Variants in DYNC2H1 observed in about 807,000 individuals in gnomAD.
DYNC2H1 encodes the protein cytoplasmic dynein 2 heavy chain 1.
In DYNC2H1, 410 loss-of-function variants were observed where a neutral mutation model predicts 570.0. The observed-to-expected ratio is 0.72, with a 90% CI of 0.66 to 0.78. The LOEUF (loss-of-function observed/expected upper bound fraction) is 0.78, where lower values mean the gene tolerates loss of function less well. Ranked by LOEUF, DYNC2H1 falls within the 30% of genes least tolerant of loss-of-function variation. The pLI is 0.00. For missense variants in DYNC2H1, 4,865 were observed against 5,046.4 expected (o/e 0.96, Z 1.09); for synonymous variants, 1,688 against 1,677.6 (o/e 1.01, Z -0.15).
chr11:103,178,856 A>G (rs1861733543), intron 38 of DYNC2H1, among the ~76,000 whole-genome samples, 170 bp from the exon 39 acceptor site: 1 of 152,038 alleles, frequency 6.6e-6, no homozygotes, highest in South Asian at 2.1e-4. Flanking sequence ...GTATTATTAC[A>G]TGATATATAT....
chr11:103,366,405 CTCAAA>C (rs1940909630), intron 83 of DYNC2H1, among the ~76,000 whole-genome samples: 1 of 151,880 alleles, frequency 6.6e-6, no homozygotes, highest in African/African-American at 2.4e-5. Flanking sequence ...GGGATAAGGA[CTCAAA>C]TCAAGGTTTA....
Position 103,188,484 on chromosome 11 carries a change from TA to T in DYNC2H1, c.7141-12del, listed in dbSNP as rs1469494510. ...AGATAAAAAACGTTTAAAATATATT[TA>T]TTTTCAAATAGGTATTGACGTATCA... On this transcript the variant is annotated splice_polypyrimidine_tract_variant and intron_variant, in intron 43 of 88. Coordinates refer to ENST00000375735, the MANE Select transcript of DYNC2H1 (RefSeq NM_001377.3). The T allele has an allele frequency of 6.6e-7, 1 of 1,517,366 alleles. No individual in the cohort carries two copies. Among genetic ancestry groups the T allele is most frequent in the South Asian group, 1.4e-5 (1 of 72,918 alleles). The allele number at this position is 1,517,366 out of a possible 1,614,324, so 94.0% of individuals were successfully genotyped here.
At chr11:103,253,804 C>A (rs943989191) in intron 66 of DYNC2H1, among the ~76,000 whole-genome samples, 1 of 152,066 alleles carries the variant, frequency 6.6e-6, no homozygotes, top group Non-Finnish European at 1.5e-5. Context: ...AGCTAATTGA[C>A]TTGTTCAGCT....
intron 83 of DYNC2H1, among the ~76,000 whole-genome samples, chr11:103,387,556 T>G (rs1941941921): frequency 6.6e-6 from 1 of 152,226 alleles, no homozygotes; most frequent in South Asian, 2.1e-4. Context: ...TTTTGGTGTT[T>G]TAGACATGCA....
intron 82 of DYNC2H1, among the ~76,000 whole-genome samples, chr11:103,339,164 T>C (rs961047860): frequency 1.3e-5 from 2 of 152,150 alleles, no homozygotes; most frequent in African/African-American, 4.8e-5. Context: ...CTTCCCACTC[T>C]TTCCCCCAAG....
intron 85 of DYNC2H1, among the ~76,000 whole-genome samples, chr11:103,448,196 G>A (rs910569937): frequency 6.6e-6 from 1 of 152,090 alleles, no homozygotes; most frequent in African/African-American, 2.4e-5. Context: ...AGCAAATCGG[G>A]GGAGGTTGGG....
rs1681179431 is a variant in DYNC2H1 at position 103,465,250 on chromosome 11, T to A, written c.12649-3339T>A. Among the ~76,000 whole-genome samples the A allele has an allele frequency of 6.6e-6, 1 of 152,036 alleles. No homozygotes were observed. Among genetic ancestry groups the A allele is most frequent in the African/African-American group, 2.4e-5 (1 of 41,400 alleles). ...TTATCAGACTGGGGAAAAAATAAAA[T>A]CCAGTTAAATGTTACTTAAAGATAT... On this transcript the variant is annotated intron_variant, in intron 87 of 88. Coordinates refer to ENST00000375735, the MANE Select transcript of DYNC2H1 (RefSeq NM_001377.3). This position sits in a 1 kb window ranked among gnomAD's most constrained non-coding sequence, Gnocchi z 4.9.
intron 83 of DYNC2H1, among the ~76,000 whole-genome samples, chr11:103,385,428 C>T (rs1941831734): frequency 6.6e-6 from 1 of 151,780 alleles, no homozygotes; most frequent in Non-Finnish European, 1.5e-5. Context: ...TTTTTTTCAG[C>T]TGAATCTGAT....
At position 103,153,461 on chromosome 11, in the gene DYNC2H1, GA is replaced by G; in HGVS notation, c.3262del (p.Ile1088LeufsTer76). On this transcript the variant is annotated frameshift_variant, in exon 22 of 89. Coordinates refer to ENST00000375735, the MANE Select transcript of DYNC2H1 (RefSeq NM_001377.3). LOFTEE classifies it high-confidence loss of function. ...LDKSAKLIKE[K>X]KIEFDDLEVT... is the part of the protein sequence containing the mutation. ...ATAAAAGTGCAAAGTTAATAAAAGAGAAAAAAATTGAGTTTGATGATCTTGA... is the reference window on the plus strand; with the variant it reads ...ATAAAAGTGCAAAGTTAATAAAAGAGAAAAAATTGAGTTTGATGATCTTGA... The G allele has an allele frequency of 1.3e-6, 2 of 1,564,880 alleles. No homozygotes were observed. The highest frequency in any genetic ancestry group is 1.4e-5 in the African/African-American group (1 of 73,282).
In DYNC2H1 at chr11:103,280,199, A is replaced by G. The variant is rs1204060096; in HGVS notation, c.10696-149A>G. The G allele has an allele frequency of 5.9e-5, 43 of 732,638 alleles. No individual in the cohort carries two copies. The highest frequency in any genetic ancestry group is 8.0e-5 in the Non-Finnish European group (36 of 449,338). 45.4% of individuals were successfully genotyped at this position (732,638 alleles called of 1,614,324 possible). On this transcript the variant is annotated intron_variant, in intron 70 of 88. Coordinates refer to ENST00000375735, the MANE Select transcript of DYNC2H1 (RefSeq NM_001377.3). This position sits in a 1 kb window ranked among gnomAD's most constrained non-coding sequence, Gnocchi z 4.7. ...CTTGAAGTGTCTCTAAGATGTAGAA[A>G]GCAATCTGAATAGTAATTTCTTACA...
At position 103,321,413 on chromosome 11, in the gene DYNC2H1, CTT is replaced by C. The variant is rs1258823294; in HGVS notation, c.11934+179_11934+180del. ...CAACTTTAGTGAGGCATCCTAAAAACTTTTGAGTACTTACTGAAAGTTGGGTG... is the reference window on the plus strand; with the variant it reads ...CAACTTTAGTGAGGCATCCTAAAAACTTGAGTACTTACTGAAAGTTGGGTG... On this transcript the variant is annotated intron_variant, in intron 81 of 88. Transcript: ENST00000375735. Among the ~76,000 whole-genome samples the C allele has an allele frequency of 2.0e-5, 3 of 152,120 alleles. No individual in the cohort carries two copies. In the East Asian group the frequency reaches 5.8e-4, roughly 29 times the overall value.
chr11:103,152,481 C>A (rs1860609978), intron 21 of DYNC2H1, among the ~76,000 whole-genome samples, 196 bp downstream of exon 21: 1 of 152,040 alleles, frequency 6.6e-6, no homozygotes, highest in South Asian at 2.1e-4. Context: ...TCCTATCACA[C>A]CAAGAAGAAA....
In DYNC2H1 at chr11:103,252,662, C is replaced by G. The variant is rs577501469; in HGVS notation, c.10043-623C>G. ...TATCTTCTTTGGAGAAATGTCTATT[C>G]AGGTCCTTTGCCTGCTTTTTAATCA... On this transcript the variant is annotated intron_variant, in intron 65 of 88. Transcript: ENST00000375735. This position sits in a 1 kb window ranked among gnomAD's most constrained non-coding sequence, Gnocchi z 4.6. Among the ~76,000 whole-genome samples, 36 of 152,216 alleles carry G rather than the reference C, an allele frequency of 2.4e-4. No homozygotes were observed. Among genetic ancestry groups the G allele is most frequent in the African/African-American group, 8.2e-4 (34 of 41,548 alleles).
In DYNC2H1 at chr11:103,280,394, C is replaced by T. The variant is rs1279838932; in HGVS notation, c.10742C>T (p.Pro3581Leu). 1.9e-6 allele frequency: 3 copies of T among 1,554,686 alleles called. No homozygotes were observed. Among genetic ancestry groups the T allele is most frequent in the African/African-American group, 2.7e-5 (2 of 73,334 alleles). ...TTGCATTTTGTTCGAGGCATGCATC[C>T]TGAACTTTTTCAAGAAAATGTAAGT... Reference protein sequence around the residue: ...FALHFVRGMHPELFQENEWDT... With the variant: ...FALHFVRGMHLELFQENEWDT... Residue 3581 changes from proline to leucine, a missense_variant, in exon 71 of 89, where the codon CCT becomes CTT. By Grantham distance (98) the Pro-to-Leu change is moderately conservative (BLOSUM62 -3). This residue lies in a region of DYNC2H1 where 2,401 missense variants were observed against 2,454.6 expected (regional missense o/e 0.98). Transcript: ENST00000375735. This position sits in a 1 kb window ranked among gnomAD's most constrained non-coding sequence, Gnocchi z 4.7.
intron 82 of DYNC2H1, among the ~76,000 whole-genome samples, chr11:103,342,533 C>T (rs142183605): frequency 0.13 from 19,204 of 147,466 alleles, 1,545 homozygotes; most frequent in Admixed American, 0.24. Context: ...GATGGGGGCT[C>T]GCTCTGTTGC....
At chr11:103,139,501 C>CAGTTTCCATG (rs1859774123) in intron 17 of DYNC2H1, among the ~76,000 whole-genome samples, 1 of 152,080 alleles carries the variant, frequency 6.6e-6, no homozygotes, top group Non-Finnish European at 1.5e-5. Flanking sequence ...GCAGGTTGTT[C>CAGTTTCCATG]AGTTTCCATG....
At position 103,365,348 on chromosome 11, in the gene DYNC2H1, C is replaced by T. The variant is rs1026930038; in HGVS notation, c.12156+6989C>T. 3.6e-5 allele frequency among the ~76,000 whole-genome samples: 5 copies of T among 140,714 alleles called. 1 individual carries two copies. Among genetic ancestry groups the T allele is most frequent in the South Asian group, 4.7e-4 (2 of 4,280 alleles). The allele number at this position is 140,714 out of a possible 152,430, so 92.3% of individuals were successfully genotyped here. ...TGCACTCCAGCCTGGGCAACAAGAG[C>T]GAAATTCCGGCTCAGGAAAAAAAAA... On this transcript the variant is annotated intron_variant, in intron 83 of 88. Transcript: ENST00000375735.
chr11:103,403,205 T>C (rs1299213425), intron 84 of DYNC2H1: 1 of 152,088 alleles, frequency 6.6e-6, no homozygotes, highest in Non-Finnish European at 1.5e-5. Context: ...TTAATACTAC[T>C]GCGGGTAGAC....
intron 12 of DYNC2H1, among the ~76,000 whole-genome samples, chr11:103,127,279 T>C (rs1859051067): frequency 6.6e-6 from 1 of 152,234 alleles, no homozygotes; most frequent in Admixed American, 6.5e-5. Flanking sequence ...TAGGTATTTG[T>C]ATTTACCCTG....
Sources: allele counts gnomAD v4.1 joint callset (sites outside exome capture counted in the v4.1 genomes callset), GRCh38; gene constraint gnomAD v4.1.1; regional missense constraint gnomAD v4.1.1; non-coding constraint Gnocchi (gnomAD v3.1); transcripts MANE v1.5; gene names NCBI Gene and HGNC (gene_info 2026-07-23, HGNC 2026-07-21).